FAXC: variants seen among roughly 807,000 people sequenced by gnomAD.
The protein encoded by FAXC is failed axon connections homolog, metaxin like GST domain containing.
FAXC carries 10 observed loss-of-function variants against 41.9 expected under a neutral mutation model. That is an observed-to-expected ratio of 0.24 (90% CI 0.15 to 0.41). FAXC has a LOEUF of 0.41. Among genes scored for constraint, FAXC ranks in the 10% least tolerant of loss-of-function variants. The probability of loss-of-function intolerance (pLI) is 1.00; values close to 1 mark genes in which losing one functional copy is unlikely to be tolerated. For synonymous variants in FAXC, 183 were observed against 183.8 expected (o/e 1.00, Z 0.03); for missense variants, 399 against 510.9 (o/e 0.78, Z 2.11).
intron 4 of FAXC, among the ~76,000 whole-genome samples, chr6:99,314,927 A>C (rs1772283508): frequency 1.3e-5 from 2 of 151,948 alleles, no homozygotes; most frequent in Admixed American, 1.3e-4. Context: ...TATCTTTCAG[A>C]ATGCTGCTTA....
intron 4 of FAXC, among the ~76,000 whole-genome samples, chr6:99,310,410 C>T (rs2009852): frequency 0.37 from 55,880 of 152,052 alleles, 10,926 homozygotes; most frequent in Middle Eastern, 0.47. Flanking sequence ...TACCTTCCCC[C>T]AGACCCCTTT....
rs1024905430 is a variant in FAXC at position 99,327,018 on chromosome 6, C to A, written c.600-3351G>T. On this transcript the variant is annotated intron_variant, in intron 3 of 5. Coordinates refer to ENST00000389677, the MANE Select transcript of FAXC (RefSeq NM_032511.4). Reference sequence around the variant, plus strand: ...TACCTGCAGCAGGCTGAATGCAGGACACAGAAGACGAAACACTGGCTTGAT... The same window carrying A: ...TACCTGCAGCAGGCTGAATGCAGGAAACAGAAGACGAAACACTGGCTTGAT... Among the ~76,000 whole-genome samples the A allele has an allele frequency of 2.6e-5, 4 of 152,184 alleles. No homozygotes were observed. In the East Asian group the frequency reaches 5.8e-4, roughly 22 times the overall value.
intron 3 of FAXC, among the ~76,000 whole-genome samples, chr6:99,329,975 T>C (rs1772973409): frequency 6.6e-6 from 1 of 151,660 alleles, no homozygotes; most frequent in Admixed American, 6.6e-5. Flanking sequence ...CACGGCTCAA[T>C]GCAGCCTCGA....
At chr6:99,282,868 G>A (rs1770889910) in intron 5 of FAXC, among the ~76,000 whole-genome samples, 1 of 152,152 alleles carries the variant, frequency 6.6e-6, no homozygotes, top group Admixed American at 6.5e-5. Context: ...TTTCATTTAT[G>A]TTCTTCCAGA....
At chr6:99,327,937 C>T (rs1171725739) in intron 3 of FAXC, among the ~76,000 whole-genome samples, 1 of 152,204 alleles carries the variant, frequency 6.6e-6, no homozygotes, top group Admixed American at 6.5e-5. Context: ...CCTACCAGGT[C>T]CCCTGACATC....
At chr6:99,284,131 A>T (rs557033129) in intron 5 of FAXC, 3 of 152,268 alleles carry the variant, frequency 2.0e-5, no homozygotes, top group Non-Finnish European at 4.4e-5. Context: ...TAACCTCGTT[A>T]GTCCTCATGC....
chr6:99,332,646 C>G (rs695104), intron 3 of FAXC, among the ~76,000 whole-genome samples: 8,453 of 152,154 alleles, frequency 0.056, 752 homozygotes, highest in African/African-American at 0.19. Flanking sequence ...GGAATACAAA[C>G]TAGGAGTTTG....
In FAXC at chr6:99,278,991, C is replaced by A. The variant is rs1406661237; in HGVS notation, c.*2173G>T. The A allele has an allele frequency of 1.3e-5, 2 of 152,184 alleles. No homozygotes were observed. Among genetic ancestry groups the A allele is most frequent in the Non-Finnish European group, 2.9e-5 (2 of 68,032 alleles). 9.4% of individuals were successfully genotyped at this position (152,184 alleles called of 1,614,324 possible). On this transcript the variant is annotated 3_prime_UTR_variant, in exon 6 of 6. Coordinates refer to ENST00000389677, the MANE Select transcript of FAXC (RefSeq NM_032511.4). ...CATAGAAAAAAATTCAAATACATTT[C>A]TTTTCTACTAAAATGTGGTGGGAAA... is the stretch of plus-strand genomic sequence containing the variant.
intron 1 of FAXC, among the ~76,000 whole-genome samples, chr6:99,346,038 T>C (rs1014084407): frequency 1.3e-5 from 2 of 152,220 alleles, no homozygotes; most frequent in Non-Finnish European, 2.9e-5. Flanking sequence ...GTTATGTCTA[T>C]GCAGCAGAAA....
chr6:99,281,005 T>C lies in FAXC; in HGVS notation c.*159A>G. ...TCATCTGAATGGTTCTGTGTTTTGT[T>C]TGTACAAAAAAGAAATAAGGCTGCT... On this transcript the variant is annotated 3_prime_UTR_variant, in exon 6 of 6. Coordinates refer to ENST00000389677, the MANE Select transcript of FAXC (RefSeq NM_032511.4). The C allele has an allele frequency of 8.2e-6, 5 of 607,336 alleles. No homozygotes were observed. Among genetic ancestry groups the C allele is most frequent in the East Asian group, 8.2e-5 (3 of 36,686 alleles). 37.6% of individuals were successfully genotyped at this position (607,336 alleles called of 1,614,324 possible).
Position 99,331,130 on chromosome 6 carries a change from C to T in FAXC, c.599+2221G>A, listed in dbSNP as rs115892270. Reference sequence around the variant, plus strand: ...GCTTTGAAAGTTTATTAGATATGTGCATCTCAATCAAGACCTTGCCTCCCA... The same window carrying T: ...GCTTTGAAAGTTTATTAGATATGTGTATCTCAATCAAGACCTTGCCTCCCA... On this transcript the variant is annotated intron_variant, in intron 3 of 5. Coordinates refer to ENST00000389677, the MANE Select transcript of FAXC (RefSeq NM_032511.4). Among the ~76,000 whole-genome samples, 1,352 of 152,302 alleles carry T rather than the reference C, an allele frequency of 8.9e-3. 26 individuals carry two copies. The highest frequency in any genetic ancestry group is 0.029 in the African/African-American group (1,222 of 41,552).
At chr6:99,293,702 GTGTGTGTGTGTC>G (rs774546609) in intron 4 of FAXC, among the ~76,000 whole-genome samples, 6,890 of 117,580 alleles carry the variant, frequency 0.059, 182 homozygotes, top group Non-Finnish European at 0.082. Context: ...GTGTGTGTGT[GTGTGTGTGTGTC>G]TGTGTGTGTG....
At chr6:99,338,237 A>T (rs1224744560) in intron 2 of FAXC, among the ~76,000 whole-genome samples, 1 of 152,178 alleles carries the variant, frequency 6.6e-6, no homozygotes, top group Non-Finnish European at 1.5e-5. Context: ...TTCTTTTTTT[A>T]AAAATATACT....
chr6:99,345,044 T>C (rs557889920), intron 1 of FAXC, among the ~76,000 whole-genome samples: 1 of 152,242 alleles, frequency 6.6e-6, no homozygotes, highest in African/African-American at 2.4e-5. Flanking sequence ...TACTATTTTA[T>C]AGTAGATAAG....
intron 5 of FAXC, among the ~76,000 whole-genome samples, chr6:99,287,278 T>C (rs1188681571): frequency 6.6e-6 from 1 of 152,122 alleles, no homozygotes; most frequent in Non-Finnish European, 1.5e-5. Context: ...GCTTAAAAAA[T>C]ATATATATAC....
At position 99,281,389 on chromosome 6, in the gene FAXC, G is replaced by T; in HGVS notation, c.1005C>A (p.His335Gln). The T allele has an allele frequency of 6.2e-7, 1 of 1,614,186 alleles. No homozygotes were observed. The highest frequency in any genetic ancestry group is 1.1e-5 in the South Asian group (1 of 91,090). ...RIRRKFWPEW[H>Q]HDDDNTIYES... ...CATAGATGGTATTGTCATCATCGTG[G>T]TGCCACTCTGGCCAAAATTTCCTCC... is the stretch of plus-strand genomic sequence containing the variant. The change falls in exon 6 of 6, where the codon CAC becomes CAA. Residue 335 changes from histidine (H) to glutamine (Q), a missense_variant. Coordinates refer to ENST00000389677, the MANE Select transcript of FAXC (RefSeq NM_032511.4).
chr6:99,289,760 C>T (rs1384764701), intron 5 of FAXC, among the ~76,000 whole-genome samples: 1 of 151,166 alleles, frequency 6.6e-6, no homozygotes, highest in Admixed American at 6.6e-5. Flanking sequence ...ACACCTCTAA[C>T]CTGCCAAACA....
At chr6:99,325,269 A>C (rs1431139526) in intron 3 of FAXC, among the ~76,000 whole-genome samples, 1 of 152,186 alleles carries the variant, frequency 6.6e-6, no homozygotes, top group Non-Finnish European at 1.5e-5. Flanking sequence ...CTGTTCTAAA[A>C]ACAAATAAAA....
intron 4 of FAXC, among the ~76,000 whole-genome samples, chr6:99,314,521 C>G (rs1309223260): frequency 6.6e-6 from 1 of 152,184 alleles, no homozygotes; most frequent in African/African-American, 2.4e-5. Flanking sequence ...CTTCAGTGAG[C>G]TATGATTGTG....
Sources: gnomAD v4.1 joint callset for allele counts (sites outside exome capture counted in the v4.1 genomes callset) on GRCh38, gnomAD v4.1.1 for gene constraint, MANE v1.5 for transcripts, NCBI Gene and HGNC (gene_info 2026-07-23, HGNC 2026-07-21) for gene names.